The following ARHGEF10 variants were observed in gnomAD, a reference collection of about 807,000 sequenced individuals.
ARHGEF10 encodes the protein Rho guanine nucleotide exchange factor 10.
Under a neutral mutation model 147.4 loss-of-function variants are expected in ARHGEF10, and 140 were observed. The observed-to-expected ratio is 0.95, with a 90% confidence interval of 0.83 to 1.09. ARHGEF10 has a LOEUF of 1.09. ARHGEF10 is among the 50% of genes least tolerant of loss of function. ARHGEF10 has a pLI of 0.00. For missense variants in ARHGEF10, 2,222 were observed against 1,752.7 expected, an observed-to-expected ratio of 1.27 and a Z score of -4.78; for synonymous variants, 902 against 695.8, an observed-to-expected ratio of 1.30 and a Z score of -4.67.
chr8:1,912,289 C>T (rs972954672), intron 18 of ARHGEF10, among the ~76,000 whole-genome samples: 2 of 152,066 alleles, frequency 1.3e-5, no homozygotes. Flanking sequence ...AGGAAGCTCG[C>T]CGTCCCTGCA....
In ARHGEF10 at chr8:1,898,417, GTGCC is replaced by G; in HGVS notation, c.1558-14_1558-11del. ...GCAGCCCTGCAGGGAGGTGACCCCG[GTGCC>G]TTCCCCCACAGCAGGAACAGGAGGC... On this transcript the variant is annotated splice_polypyrimidine_tract_variant and intron_variant, in intron 14 of 28. Coordinates refer to ENST00000349830, the MANE Select transcript of ARHGEF10 (RefSeq NM_014629.4). The G allele has an allele frequency of 6.2e-7, 1 of 1,613,198 alleles. No individual in the cohort carries two copies. The highest frequency in any genetic ancestry group is 2.2e-5 in the East Asian group (1 of 44,854).
rs756611561 is a variant in ARHGEF10 at position 1,846,461 on chromosome 8, C to T, written c.37+3025C>T. Among the ~76,000 whole-genome samples, 16 of 152,346 alleles carry T rather than the reference C, an allele frequency of 1.1e-4. No individual in the cohort carries two copies. The East Asian group carries it at 1.5e-3, about 15-fold the overall frequency. ...ATCAGGATCCAGCAGGAAGTTACTG[C>T]GACCTCATTTCTTCCCTGCGTGGGG... On this transcript the variant is annotated intron_variant, in intron 2 of 28. Transcript: ENST00000349830.
At chr8:1,939,439 A>G (rs898205717) in intron 26 of ARHGEF10, among the ~76,000 whole-genome samples, 2 of 152,196 alleles carry the variant, frequency 1.3e-5, no homozygotes, top group African/African-American at 2.4e-5. Context: ...AGCGTGAGTG[A>G]GGGTGCTGTG....
intron 22 of ARHGEF10, 33 bp downstream of exon 22, chr8:1,925,437 G>A: frequency 1.2e-6 from 2 of 1,612,492 alleles, no homozygotes; most frequent in East Asian, 2.2e-5. Flanking sequence ...GCCCGGGGTG[G>A]GACGCACCTC....
At position 1,869,206 on chromosome 8, in the gene ARHGEF10, C is replaced by T. The variant is rs138439443; in HGVS notation, c.635C>T (p.Ala212Val). The T allele has an allele frequency of 1.4e-5, 23 of 1,613,882 alleles. No homozygotes were observed. The East Asian group carries it at 5.1e-4, about 36-fold the overall frequency. ...NTAWMENPEEAIYDDVPRENS... is the reference protein window; with the variant it reads ...NTAWMENPEEVIYDDVPRENS... Reference sequence around the variant, plus strand: ...CCGTTTATTGCAGATCCAGAGGAAGCAATTTACGATGACGTTCCAAGGGAA... The same window carrying T: ...CCGTTTATTGCAGATCCAGAGGAAGTAATTTACGATGACGTTCCAAGGGAA... The change falls in exon 7 of 29, where the codon GCA becomes GTA. Residue 212 changes from alanine (A) to valine (V), a missense_variant. Transcript: ENST00000349830.
chr8:1,840,597 G>T (rs1031486351), intron 1 of ARHGEF10, among the ~76,000 whole-genome samples: 6 of 151,234 alleles, frequency 4.0e-5, no homozygotes, highest in African/African-American at 1.5e-4. Context: ...TGTCCGATAT[G>T]GGGACTGTCT....
chr8:1,847,105 G>A (rs1804622207), intron 2 of ARHGEF10, among the ~76,000 whole-genome samples: 1 of 152,062 alleles, frequency 6.6e-6, no homozygotes, highest in East Asian at 1.9e-4. Context: ...TTGGCAACAC[G>A]TCAGGTCATC....
chr8:1,862,897 G>A (rs1305277775), intron 4 of ARHGEF10, among the ~76,000 whole-genome samples: 1 of 150,354 alleles, frequency 6.7e-6, no homozygotes, highest in Non-Finnish European at 1.5e-5. Flanking sequence ...TCCTGCCTCA[G>A]CCTCCCAAGT....
intron 1 of ARHGEF10, among the ~76,000 whole-genome samples, chr8:1,837,928 C>T (rs1803688294): frequency 6.6e-6 from 1 of 152,192 alleles, no homozygotes; most frequent in South Asian, 2.1e-4. Context: ...GCTCCTCACT[C>T]TCACAGGTGC....
At chr8:1,901,957 T>A (rs1810497266) in intron 15 of ARHGEF10, among the ~76,000 whole-genome samples, 2 of 150,130 alleles carry the variant, frequency 1.3e-5, no homozygotes, top group Admixed American at 1.3e-4. Flanking sequence ...TATAAACATG[T>A]CAAAGATGGT....
intron 7 of ARHGEF10, among the ~76,000 whole-genome samples, chr8:1,872,059 G>T: frequency 6.6e-6 from 1 of 151,942 alleles, no homozygotes; most frequent in Non-Finnish European, 1.5e-5. Flanking sequence ...GAGGGGAGAG[G>T]GATGGAAGAA....
At chr8:1,865,962 A>T (rs1013075429) in intron 5 of ARHGEF10, among the ~76,000 whole-genome samples, 6 of 152,188 alleles carry the variant, frequency 3.9e-5, no homozygotes, top group African/African-American at 1.4e-4. Flanking sequence ...GTCTGACCTC[A>T]TCATCCTTCC....
At chr8:1,865,445 A>T (rs1806509762) in intron 5 of ARHGEF10, among the ~76,000 whole-genome samples, 1 of 149,746 alleles carries the variant, frequency 6.7e-6, no homozygotes, top group African/African-American at 2.5e-5. Context: ...GGGGGCCATC[A>T]CCAGGGCATG....
intron 11 of ARHGEF10, among the ~76,000 whole-genome samples, chr8:1,891,446 AG>A (rs964127809): frequency 2.4e-4 from 37 of 152,336 alleles, no homozygotes; most frequent in Admixed American, 1.8e-3. Context: ...GAAATAAAGA[AG>A]GGTCGTTCTT....
At position 1,837,713 on chromosome 8, in the gene ARHGEF10, C is replaced by A. The variant is rs549852205; in HGVS notation, c.-47-5640C>A. ...TTCTGGCCCTGCCACTTGCTCACCA[C>A]CTTTGAGAACAGAGCGTGGGTTACC... On this transcript the variant is annotated intron_variant, in intron 1 of 28. Transcript: ENST00000349830. Among the ~76,000 whole-genome samples the A allele has an allele frequency of 5.3e-5, 8 of 152,278 alleles. No individual in the cohort carries two copies. The South Asian group carries it at 1.5e-3, about 28-fold the overall frequency.
chr8:1,865,977 G>A (rs1461692505), intron 5 of ARHGEF10, among the ~76,000 whole-genome samples: 3 of 152,204 alleles, frequency 2.0e-5, no homozygotes, highest in Admixed American at 2.0e-4. Flanking sequence ...CCTTCCGAGT[G>A]GAGCATTCCC....
At chr8:1,899,460 C>T (rs1355419534) in intron 15 of ARHGEF10, among the ~76,000 whole-genome samples, 4 of 152,270 alleles carry the variant, frequency 2.6e-5, no homozygotes, top group South Asian at 2.1e-4. Flanking sequence ...AATGAACTGG[C>T]GCCTGGGAAA....
At position 1,864,358 on chromosome 8, in the gene ARHGEF10, T is replaced by C. The variant is rs748281387; in HGVS notation, c.482-15T>C. On this transcript the variant is annotated splice_polypyrimidine_tract_variant and intron_variant, in intron 4 of 28. Coordinates refer to ENST00000349830, the MANE Select transcript of ARHGEF10 (RefSeq NM_014629.4). The stretch of plus-strand genomic sequence containing the variant: ...TCAGGCGTAAAGCAGCATCACATAT[T>C]TTCTTTCCCAGCAGAAACACCAGAA... 3 of 1,613,964 alleles carry C rather than the reference T, an allele frequency of 1.9e-6. No individual in the cohort carries two copies. Among genetic ancestry groups the C allele is most frequent in the Non-Finnish European group, 2.5e-6 (3 of 1,179,890 alleles).
At chr8:1,826,976 GC>G (rs982008023) in intron 1 of ARHGEF10, among the ~76,000 whole-genome samples, 13 of 152,250 alleles carry the variant, frequency 8.5e-5, no homozygotes, top group African/African-American at 3.1e-4. Flanking sequence ...TGGGAGCTCT[GC>G]AGTGGAAAGG....
Sources: gnomAD v4.1 joint callset for allele counts (sites outside exome capture counted in the v4.1 genomes callset) on GRCh38, gnomAD v4.1.1 for gene constraint, MANE v1.5 for transcripts, NCBI Gene and HGNC (gene_info 2026-07-23, HGNC 2026-07-21) for gene names.